The following LTBP4 variants were observed in gnomAD, a reference collection of about 807,000 sequenced individuals.
LTBP4 encodes latent transforming growth factor beta binding protein 4, also known as latent-transforming growth factor beta-binding protein 4.
A neutral mutation model predicts 180.2 loss-of-function variants in LTBP4; 93 were observed. The observed-to-expected ratio is 0.52, with a 90% CI of 0.44 to 0.61. The LOEUF is 0.61. LTBP4 is among the 20% of genes least tolerant of loss of function. LTBP4 has a pLI of 0.00. For synonymous variants in LTBP4, 947 were observed against 934.5 expected (o/e 1.01, Z -0.24); for missense variants, 2,116 against 2,256.5 (o/e 0.94, Z 1.26).
intron 22 of LTBP4, among the ~76,000 whole-genome samples, chr19:40,620,092 A>G (rs958592177): frequency 6.6e-6 from 1 of 152,204 alleles, no homozygotes; most frequent in Non-Finnish European, 1.5e-5. Flanking sequence ...AAACAGGTTC[A>G]ACATGGCATG....
chr19:40,625,316 ATT>A (rs1162232222), intron 26 of LTBP4, among the ~76,000 whole-genome samples: 38 of 21,926 alleles, frequency 1.7e-3, no homozygotes, highest in East Asian at 0.011. Context: ...ATATATATAT[ATT>A]TTTTTTTTTA....
Position 40,604,936 on chromosome 19 carries a change from G to T in LTBP4, c.251-99G>T. On this transcript the variant is annotated intron_variant, in intron 1 of 29. Coordinates refer to ENST00000396819, the MANE Select transcript of LTBP4 (RefSeq NM_001042545.2). ...GCGGGGCCACATGACAGCTAAGGGC[G>T]GAGCGACTTAGAAATGAATGATACC... is the stretch of plus-strand genomic sequence containing the variant. The T allele has an allele frequency of 3.6e-6, 4 of 1,107,604 alleles. No individual in the cohort carries two copies. The Admixed American group carries it at 7.2e-5, about 20-fold the overall frequency. The allele number at this position is 1,107,604 out of a possible 1,614,324, so 68.6% of individuals were successfully genotyped here.
In LTBP4 at chr19:40,625,966, G is replaced by A. The variant is rs1249750269; in HGVS notation, c.3942G>A (p.Glu1314=). 1 of 1,608,872 alleles carries A rather than the reference G, an allele frequency of 6.2e-7. No individual in the cohort carries two copies. Among genetic ancestry groups the A allele is most frequent in the East Asian group, 2.2e-5 (1 of 44,628 alleles). Residue 1314 remains glutamate (E), a synonymous_variant, in exon 27 of 30, where the codon GAG becomes GAA. Coordinates refer to ENST00000396819, the MANE Select transcript of LTBP4 (RefSeq NM_001042545.2). ...CAGAGTGCTGCTGCCTGTATGGAGA[G>A]GCCTGGGGCATGGACTGCGCCCTCT... The part of the protein sequence containing the change: ...TYTECCCLYG[E]AWGMDCALCP...
chr19:40,609,983 A>G lies in LTBP4; in HGVS notation c.1684+112A>G. The G allele has an allele frequency of 1.4e-6, 2 of 1,380,134 alleles. No homozygotes were observed. The highest frequency in any genetic ancestry group is 2.5e-5 in the East Asian group (1 of 39,564). 85.5% of individuals were successfully genotyped at this position (1,380,134 alleles called of 1,614,324 possible). A position where few individuals can be genotyped will look rare whatever the true frequency, so the allele number is the denominator to read the frequency against. On this transcript the variant is annotated intron_variant, in intron 11 of 29. Transcript: ENST00000396819. This position sits in a 1 kb window ranked among gnomAD's most constrained non-coding sequence, Gnocchi z 4.9. Reference sequence around the variant, plus strand: ...TTCCCCTCTCGGGTCCCGCCCCAGGACTGCTCTGCCCTGGCCCTTGGCCCT... The same window carrying G: ...TTCCCCTCTCGGGTCCCGCCCCAGGGCTGCTCTGCCCTGGCCCTTGGCCCT...
At chr19:40,626,911 G>T (rs911423634) in intron 27 of LTBP4, 64 bp from the exon 28 acceptor site, 6 of 1,482,988 alleles carry the variant, frequency 4.0e-6, no homozygotes, top group Non-Finnish European at 5.4e-6. Flanking sequence ...CCCAAGGGGG[G>T]TATGTGAGTG....
Position 40,607,095 on chromosome 19 carries a change from G to A in LTBP4, c.992-270G>A, listed in dbSNP as rs73047967. Among the ~76,000 whole-genome samples the A allele has an allele frequency of 0.17, 25,662 of 151,848 alleles. 2,411 individuals carry two copies. Among genetic ancestry groups the A allele is most frequent in the East Asian group, 0.28 (1,452 of 5,150 alleles). ...CCTTCTCAGACCCCCAAATCCTCTC[G>A]TCCCCCTCAACGACTCGACTATCTT... On this transcript the variant is annotated intron_variant, in intron 6 of 29. Coordinates refer to ENST00000396819, the MANE Select transcript of LTBP4 (RefSeq NM_001042545.2).
Position 40,629,269 on chromosome 19 carries a change from GC to G in LTBP4, c.4520-126del. 1 of 1,242,458 alleles carries G rather than the reference GC, an allele frequency of 8.0e-7. No homozygotes were observed. The highest frequency in any genetic ancestry group is 1.2e-6 in the Non-Finnish European group (1 of 859,158). 77.0% of individuals were successfully genotyped at this position (1,242,458 alleles called of 1,614,324 possible). Reference sequence around the variant, plus strand: ...GCCGGGCTCACACAGTTAGCAGATGGCAGAGGCCAGATTGGACTCCAAACTG... The same window carrying G: ...GCCGGGCTCACACAGTTAGCAGATGGAGAGGCCAGATTGGACTCCAAACTG... On this transcript the variant is annotated intron_variant, in intron 29 of 29. Transcript: ENST00000396819. The surrounding 1 kb of genome is among the most constrained non-coding windows in gnomAD (Gnocchi z 4.5).
chr19:40,623,915 T>C (rs2081605282), intron 25 of LTBP4, 21 bp from the exon 26 acceptor site: 1 of 1,613,372 alleles, frequency 6.2e-7, no homozygotes, highest in Non-Finnish European at 8.5e-7. Context: ...AGGGGATGCC[T>C]CTTAATCATC....
Position 40,627,800 on chromosome 19 carries a change from T to G in LTBP4, c.4462T>G (p.Phe1488Val). The change falls in exon 29 of 30, where the codon TTC (phenylalanine) becomes GTC (valine). Residue 1488 changes from phenylalanine (F) to valine (V), a missense_variant. Transcript: ENST00000396819. Reference protein sequence around the residue: ...NGRCVRVPEGFTCRCFDGYRL... With the variant: ...NGRCVRVPEGVTCRCFDGYRL... ...CCGCTGCGTGCGCGTCCCCGAAGGC[T>G]TCACCTGCCGTTGCTTCGACGGCTA... 6.4e-7 allele frequency: 1 copy of G among 1,569,020 alleles called. No homozygotes were observed. The highest frequency in any genetic ancestry group is 8.6e-7 in the Non-Finnish European group (1 of 1,161,928).
chr19:40,614,919 G>A (rs1250147849), intron 19 of LTBP4, among the ~76,000 whole-genome samples: 1 of 152,064 alleles, frequency 6.6e-6, no homozygotes, highest in Non-Finnish European at 1.5e-5. Flanking sequence ...AATTCCCAAG[G>A]TGAAATTCTC....
chr19:40,622,857 G>A lies in LTBP4; in HGVS notation c.3485-93G>A. 7.0e-7 allele frequency: 1 copy of A among 1,437,004 alleles called. No homozygotes were observed. Among genetic ancestry groups the A allele is most frequent in the Non-Finnish European group, 9.5e-7 (1 of 1,049,618 alleles). 89.0% of individuals were successfully genotyped at this position (1,437,004 alleles called of 1,614,324 possible). On this transcript the variant is annotated intron_variant, in intron 23 of 29. Coordinates refer to ENST00000396819, the MANE Select transcript of LTBP4 (RefSeq NM_001042545.2). This position sits in a 1 kb window ranked among gnomAD's most constrained non-coding sequence, Gnocchi z 5.1. ...GAGAGGTGGGCACTAACAGGCACAGGGCCAGAGGGACTTTTGTGACAAGTG... is the reference window on the plus strand; with the variant it reads ...GAGAGGTGGGCACTAACAGGCACAGAGCCAGAGGGACTTTTGTGACAAGTG...
rs2081463042 is a variant in LTBP4 at position 40,606,495 on chromosome 19, T to A, written c.960T>A (p.Phe320Leu). Residue 320 changes from phenylalanine to leucine, a missense_variant, in exon 6 of 30, where the codon TTT becomes TTA. Phe to Leu is a conservative substitution (Grantham distance 22, BLOSUM62 0). Around this residue, in one of 5 missense-constraint regions of LTBP4, gnomAD observed 469 missense variants for 532.5 expected, o/e 0.88. Transcript: ENST00000396819. ...GGYTCVCPDG[F>L]LLDSSRSSCI... ...ACACGTGTGTGTGCCCCGACGGCTT[T>A]CTGCTCGACTCGTCCCGCAGCAGCT... 2 of 1,573,660 alleles carry A rather than the reference T, an allele frequency of 1.3e-6. No homozygotes were observed. The highest frequency in any genetic ancestry group is 1.7e-6 in the Non-Finnish European group (2 of 1,160,824).
chr19:40,596,788 G>A (rs902538223), upstream of LTBP4, among the ~76,000 whole-genome samples: 17 of 152,154 alleles, frequency 1.1e-4, no homozygotes, highest in African/African-American at 3.9e-4. Flanking sequence ...CTACGCCAGC[G>A]AGGGAGCTAA....
chr19:40,598,024 G>A (rs1266399988), upstream of LTBP4, among the ~76,000 whole-genome samples: 2 of 152,078 alleles, frequency 1.3e-5, no homozygotes, highest in Non-Finnish European at 2.9e-5. Context: ...TTCACCGCGA[G>A]AGATCCAGGA....
upstream of LTBP4, chr19:40,597,440 C>T: frequency 7.1e-7 from 1 of 1,404,414 alleles, no homozygotes; most frequent in Non-Finnish European, 9.3e-7. Flanking sequence ...CCAGGAGGAC[C>T]ACGGCTTTCG....
At position 40,605,899 on chromosome 19, in the gene LTBP4, C is replaced by T. The variant is rs2081457894; in HGVS notation, c.793+68C>T. On this transcript the variant is annotated intron_variant, in intron 4 of 29. Transcript: ENST00000396819. This position sits in a 1 kb window ranked among gnomAD's most constrained non-coding sequence, Gnocchi z 5.5. Reference sequence around the variant, plus strand: ...GGTGACAACCTCACCGTTCCTCCTACTCTGCCCTAGATAAACCCAGTTCAC... The same window carrying T: ...GGTGACAACCTCACCGTTCCTCCTATTCTGCCCTAGATAAACCCAGTTCAC... 1.4e-6 allele frequency: 2 copies of T among 1,474,646 alleles called. No homozygotes were observed. Among genetic ancestry groups the T allele is most frequent in the Admixed American group, 2.0e-5 (1 of 48,908 alleles). 91.3% of individuals were successfully genotyped at this position (1,474,646 alleles called of 1,614,324 possible).
chr19:40,625,708 T>C lies in LTBP4; in HGVS notation c.3833-149T>C. ...CTCAATCCAGAACCCTGGAGTGACCTCAGAGAACTTCCAGAGTTAGATCAC... is the reference window on the plus strand; with the variant it reads ...CTCAATCCAGAACCCTGGAGTGACCCCAGAGAACTTCCAGAGTTAGATCAC... On this transcript the variant is annotated intron_variant, in intron 26 of 29. Coordinates refer to ENST00000396819, the MANE Select transcript of LTBP4 (RefSeq NM_001042545.2). 7.5e-6 allele frequency: 5 copies of C among 665,658 alleles called. No homozygotes were observed. The South Asian group carries it at 1.2e-4, about 16-fold the overall frequency. The allele number at this position is 665,658 out of a possible 1,614,324, so 41.2% of individuals were successfully genotyped here.
chr19:40,609,533 C>T lies in LTBP4; in HGVS notation c.1430C>T (p.Pro477Leu). 1 of 1,612,844 alleles carries T rather than the reference C, an allele frequency of 6.2e-7. No individual in the cohort carries two copies. The highest frequency in any genetic ancestry group is 1.1e-5 in the South Asian group (1 of 91,066). The stretch of plus-strand genomic sequence containing the variant: ...CCTGGCTGACTGGACCCCCCAGGTC[C>T]CTCCTCCGGCATGTGTCAGCGCAAC... Reference protein sequence around the residue: ...WTGPEIPESGPSSGMCQRNPQ... With the variant: ...WTGPEIPESGLSSGMCQRNPQ... The change falls in exon 10 of 30, where the codon CCC becomes CTC. Residue 477 changes from proline to leucine, a missense_variant. By Grantham distance (98) the Pro-to-Leu change is moderately conservative (BLOSUM62 -3). Transcript: ENST00000396819. The surrounding 1 kb of genome is among the most constrained non-coding windows in gnomAD (Gnocchi z 4.9).
chr19:40,629,636 C>T lies in LTBP4; in HGVS notation c.*86C>T, dbSNP rs10424186. ...TGCAGCCCGCTTATGCGTATGTGCA[C>T]GGGGCCGCCCGCCTGGACCTGGAGA... On this transcript the variant is annotated 3_prime_UTR_variant, in exon 30 of 30. Transcript: ENST00000396819. This position sits in a 1 kb window ranked among gnomAD's most constrained non-coding sequence, Gnocchi z 4.5. 3.8e-3 allele frequency: 4,767 copies of T among 1,253,430 alleles called. 156 individuals carry two copies. The African/African-American group carries it at 0.068, about 18-fold the overall frequency. 77.6% of individuals were successfully genotyped at this position (1,253,430 alleles called of 1,614,324 possible). A position where few individuals can be genotyped will look rare whatever the true frequency, so the allele number is the denominator to read the frequency against.
Sources: allele counts gnomAD v4.1 joint callset (sites outside exome capture counted in the v4.1 genomes callset), GRCh38; gene constraint gnomAD v4.1.1; regional missense constraint gnomAD v4.1.1; non-coding constraint Gnocchi (gnomAD v3.1); transcripts MANE v1.5; gene names NCBI Gene and HGNC (gene_info 2026-07-23, HGNC 2026-07-21).